The following ZSWIM8 variants were observed in gnomAD, a reference collection of about 807,000 sequenced individuals.
ZSWIM8 encodes the protein zinc finger SWIM domain-containing protein 8.
In ZSWIM8, 27 loss-of-function variants were observed where a neutral mutation model predicts 173.7. That is an observed-to-expected ratio of 0.16 (90% CI 0.11 to 0.21). The LOEUF is 0.21. Ranked by LOEUF, ZSWIM8 falls within the 10% of genes least tolerant of loss-of-function variation. The probability of loss-of-function intolerance (pLI) is 1.00; values close to 1 mark genes in which losing one functional copy is unlikely to be tolerated. For synonymous variants in ZSWIM8, 958 were observed against 962.0 expected, an observed-to-expected ratio of 1.00 and a Z score of 0.08; for missense variants, 1,627 against 2,428.8, an observed-to-expected ratio of 0.67 and a Z score of 6.94.
rs776219969 is a variant in ZSWIM8, at chr10:73,791,825, C to T, written c.1320-34C>T. On this transcript the variant is annotated intron_variant, in intron 9 of 25. Coordinates refer to ENST00000604729, the MANE Select transcript of ZSWIM8 (RefSeq NM_001367799.1). The surrounding 1 kb of genome is among the most constrained non-coding windows in gnomAD (Gnocchi z 6.0). ...CTCCATGCCCATCCTTTCCCAGTAG[C>T]CCCTCAGCAGCCTCCTGCCCCTTGT... 20 of 1,478,480 alleles carry T rather than the reference C, an allele frequency of 1.4e-5. No homozygotes were observed. The highest frequency in any genetic ancestry group is 1.7e-5 in the Non-Finnish European group (19 of 1,106,238). 91.6% of individuals were successfully genotyped at this position (1,478,480 alleles called of 1,614,324 possible). A position where few individuals can be genotyped will look rare whatever the true frequency, so the allele number is the denominator to read the frequency against.
chr10:73,794,076 G>C (rs1432735763), intron 12 of ZSWIM8, 32 bp downstream of exon 12: 2 of 1,611,346 alleles, frequency 1.2e-6, no homozygotes, highest in Non-Finnish European at 1.7e-6. Flanking sequence ...TTGTATTTCA[G>C]TCTCTTTAGA....
chr10:73,795,841 T>C (rs536291285), intron 15 of ZSWIM8, among the ~76,000 whole-genome samples, 178 bp downstream of exon 15: 1 of 151,834 alleles, frequency 6.6e-6, no homozygotes, highest in South Asian at 2.1e-4. Context: ...CACATGCCTG[T>C]AGTCCCAGCT....
In ZSWIM8 at chr10:73,789,934, C is replaced by T. The variant is rs752709582; in HGVS notation, c.739-22C>T. 14 of 1,609,326 alleles carry T rather than the reference C, an allele frequency of 8.7e-6. No individual in the cohort carries two copies. Among genetic ancestry groups the T allele is most frequent in the Admixed American group, 1.7e-5 (1 of 59,440 alleles). On this transcript the variant is annotated intron_variant, in intron 5 of 25. Coordinates refer to ENST00000604729, the MANE Select transcript of ZSWIM8 (RefSeq NM_001367799.1). This position sits in a 1 kb window ranked among gnomAD's most constrained non-coding sequence, Gnocchi z 6.8. Reference sequence around the variant, plus strand: ...GTTCACCTAGGCCGTGTTCTGCCTGCCTCCGTCTCTTTCTCCCTCAGATCC... The same window carrying T: ...GTTCACCTAGGCCGTGTTCTGCCTGTCTCCGTCTCTTTCTCCCTCAGATCC...
intron 6 of ZSWIM8, 60 bp from the exon 7 acceptor site, chr10:73,790,112 G>T: frequency 6.2e-7 from 1 of 1,611,122 alleles, no homozygotes. Context: ...CTCAAGGCTT[G>T]CTGTTGTCAG....
At position 73,796,854 on chromosome 10, in the gene ZSWIM8, A is replaced by G. The variant is rs757993420; in HGVS notation, c.3114A>G (p.Pro1038=). ...GTTCTTTCTACTCATCTAGCCGCCC[A>G]ACCACAGCCAGCCAGAGGTCTCCTT... ...TLSSFYSSSR[P]TTASQRSPSK... The change falls in exon 16 of 26, where the codon CCA becomes CCG. Residue 1038 remains proline (P), a synonymous_variant. Transcript: ENST00000604729. The G allele has an allele frequency of 2.5e-6, 4 of 1,614,060 alleles. No individual in the cohort carries two copies. Among genetic ancestry groups the G allele is most frequent in the Non-Finnish European group, 3.4e-6 (4 of 1,179,906 alleles).
intron 12 of ZSWIM8, 39 bp downstream of exon 12, chr10:73,794,083 T>C: frequency 2.5e-6 from 4 of 1,611,950 alleles, no homozygotes; most frequent in Non-Finnish European, 3.4e-6. Flanking sequence ...TCAGTCTCTT[T>C]AGAGCCTTGC....
chr10:73,794,245 A>G lies in ZSWIM8; in HGVS notation c.2724A>G (p.Glu908=). The change falls in exon 13 of 26, where the codon GAA becomes GAG. Residue 908 remains glutamate (E), a synonymous_variant. Transcript: ENST00000604729. ...EMSTMRCRAE[E]LREGTLCDYR... ...GTACCATGCGGTGCCGGGCAGAGGAACTTCGGGAGGGGACACTCTGTGACT... is the reference window on the plus strand; with the variant it reads ...GTACCATGCGGTGCCGGGCAGAGGAGCTTCGGGAGGGGACACTCTGTGACT... The G allele has an allele frequency of 1.9e-6, 3 of 1,613,968 alleles. No homozygotes were observed. Among genetic ancestry groups the G allele is most frequent in the Non-Finnish European group, 2.5e-6 (3 of 1,179,878 alleles).
chr10:73,801,613 C>T lies in ZSWIM8; in HGVS notation c.*94C>T, dbSNP rs1457248436. On this transcript the variant is annotated 3_prime_UTR_variant, in exon 26 of 26. Transcript: ENST00000604729. The surrounding 1 kb of genome is among the most constrained non-coding windows in gnomAD (Gnocchi z 4.9). ...AGTGAAACTTGGCTGGACAGATCATCCTCACTCAGTTCCCTGGTAGCACAG... is the reference window on the plus strand; with the variant it reads ...AGTGAAACTTGGCTGGACAGATCATTCTCACTCAGTTCCCTGGTAGCACAG... 1 of 1,546,478 alleles carries T rather than the reference C, an allele frequency of 6.5e-7. No individual in the cohort carries two copies. Among genetic ancestry groups the T allele is most frequent in the Admixed American group, 1.9e-5 (1 of 51,436 alleles).
rs1219173428 is a variant in ZSWIM8 at position 73,797,772 on chromosome 10, C to T, written c.3663-9C>T. ...CCCAACCCCCGTCCCTACCCCATTG[C>T]CCCTTCAGGTACAAGGGCCGCCGCC... On this transcript the variant is annotated splice_polypyrimidine_tract_variant and intron_variant, in intron 18 of 25. Coordinates refer to ENST00000604729, the MANE Select transcript of ZSWIM8 (RefSeq NM_001367799.1). The surrounding 1 kb of genome is among the most constrained non-coding windows in gnomAD (Gnocchi z 5.6). 6.2e-7 allele frequency: 1 copy of T among 1,609,302 alleles called. No individual in the cohort carries two copies. Among genetic ancestry groups the T allele is most frequent in the Non-Finnish European group, 8.5e-7 (1 of 1,176,668 alleles).
At chr10:73,790,325 G>A in intron 7 of ZSWIM8, 33 bp downstream of exon 7, 1 of 1,565,192 alleles carries the variant, frequency 6.4e-7, no homozygotes, top group Non-Finnish European at 8.6e-7. Flanking sequence ...TGTGTCTGTG[G>A]TGGAGGGGGA....
intron 15 of ZSWIM8, chr10:73,796,506 TAA>T: frequency 2.0e-6 from 1 of 512,498 alleles, no homozygotes; most frequent in Non-Finnish European, 3.6e-6. Context: ...GCAGAGGGCA[TAA>T]AGTCATTCAT....
intron 1 of ZSWIM8, 113 bp from the exon 2 acceptor site, chr10:73,788,557 T>C (rs1019096186): frequency 7.6e-7 from 1 of 1,322,954 alleles, no homozygotes. Context: ...GTCTCTTCTT[T>C]CTTTCATAGT....
Position 73,799,326 on chromosome 10 carries a change from G to A in ZSWIM8, c.4501G>A (p.Gly1501Arg). The change falls in exon 21 of 26, where the codon GGA becomes AGA. Residue 1501 changes from glycine to arginine, a missense_variant. By Grantham distance (125) the Gly-to-Arg change is moderately radical. Transcript: ENST00000604729. Reference protein sequence around the residue: ...SVGSSLYPGPGLGHGHSPGLH... With the variant: ...SVGSSLYPGPRLGHGHSPGLH... ...GGGGTCTAGTTTATACCCGGGTCCAGGACTGGGGCATGGCCACTCCCCTGG... is the reference window on the plus strand; with the variant it reads ...GGGGTCTAGTTTATACCCGGGTCCAAGACTGGGGCATGGCCACTCCCCTGG... 9 of 1,609,616 alleles carry A rather than the reference G, an allele frequency of 5.6e-6. No homozygotes were observed. The highest frequency in any genetic ancestry group is 7.6e-6 in the Non-Finnish European group (9 of 1,178,152).
rs1178800140 is a variant in ZSWIM8 at position 73,793,615 on chromosome 10, C to T, written c.2341C>T (p.His781Tyr). ...ACTGTTTGCCTGTGCTGAGGCCCTG[C>T]ATGCGCATGGCTATAGCAGTGAGGC... Reference protein sequence around the residue: ...EVLFACAEALHAHGYSSEASR... With the variant: ...EVLFACAEALYAHGYSSEASR... The change falls in exon 11 of 26, where the codon CAT becomes TAT. Residue 781 changes from histidine to tyrosine, a missense_variant. By Grantham distance (83) the His-to-Tyr change is moderately conservative. Coordinates refer to ENST00000604729, the MANE Select transcript of ZSWIM8 (RefSeq NM_001367799.1). The T allele has an allele frequency of 6.2e-7, 1 of 1,607,912 alleles. No homozygotes were observed. The highest frequency in any genetic ancestry group is 1.7e-5 in the Admixed American group (1 of 58,842).
chr10:73,791,447 A>G lies in ZSWIM8; in HGVS notation c.1267A>G (p.Met423Val), dbSNP rs772813717. 6.2e-7 allele frequency: 1 copy of G among 1,613,418 alleles called. No homozygotes were observed. ...TGCCTGTGCCAGCATGTGTGACGAG[A>G]TGGTCACACTGTGGAGGCTGGCCGT... ...AHACASMCDE[M>V]VTLWRLAVLD... The change falls in exon 9 of 26, where the codon ATG becomes GTG. Residue 423 changes from methionine to valine, a missense_variant. By Grantham distance (21) the Met-to-Val change is conservative. Transcript: ENST00000604729. The surrounding 1 kb of genome is among the most constrained non-coding windows in gnomAD (Gnocchi z 6.0).
Position 73,791,646 on chromosome 10 carries a change from A to T in ZSWIM8, c.1319+147A>T. On this transcript the variant is annotated intron_variant, in intron 9 of 25. Coordinates refer to ENST00000604729, the MANE Select transcript of ZSWIM8 (RefSeq NM_001367799.1). The surrounding 1 kb of genome is among the most constrained non-coding windows in gnomAD (Gnocchi z 6.0). ...TGAGCACTGGTGTTAGCAGTGATTT[A>T]CGAGTCCTTTTTCTGAGAGGCTTTC... The T allele has an allele frequency of 8.6e-7, 1 of 1,165,622 alleles. No homozygotes were observed. Among genetic ancestry groups the T allele is most frequent in the Non-Finnish European group, 1.2e-6 (1 of 856,006 alleles). The allele number at this position is 1,165,622 out of a possible 1,614,324, so 72.2% of individuals were successfully genotyped here. A position where few individuals can be genotyped will look rare whatever the true frequency, so the allele number is the denominator to read the frequency against.
chr10:73,797,648 C>T lies in ZSWIM8; in HGVS notation c.3662+43C>T. 6.2e-7 allele frequency: 1 copy of T among 1,601,766 alleles called. No homozygotes were observed. The highest frequency in any genetic ancestry group is 2.2e-5 in the East Asian group (1 of 44,716). ...CCCATCTTCCCTGATCTGGCCCACC[C>T]TCAGAGCCACACCCCTAGTGCAATC... On this transcript the variant is annotated intron_variant, in intron 18 of 25. Coordinates refer to ENST00000604729, the MANE Select transcript of ZSWIM8 (RefSeq NM_001367799.1). The surrounding 1 kb of genome is among the most constrained non-coding windows in gnomAD (Gnocchi z 5.6).
Position 73,798,230 on chromosome 10 carries a change from G to A in ZSWIM8, c.3953G>A (p.Gly1318Asp). 6.2e-7 allele frequency: 1 copy of A among 1,613,796 alleles called. No homozygotes were observed. Among genetic ancestry groups the A allele is most frequent in the Non-Finnish European group, 8.5e-7 (1 of 1,179,748 alleles). Reference sequence around the variant, plus strand: ...CTGCCCTTCTCTCCTTTCCCCTAAGGCCAGGCCATGGAGATAGGCAGCGCA... The same window carrying A: ...CTGCCCTTCTCTCCTTTCCCCTAAGACCAGGCCATGGAGATAGGCAGCGCA... ...TYSSHVSWIT[G>D]QAMEIGSAAL... The change falls in exon 20 of 26, where the codon GGC becomes GAC. Residue 1318 changes from glycine to aspartate, a missense_variant and splice_region_variant. Physicochemically the swap from Gly to Asp is moderately conservative, Grantham distance 94. This residue lies in a region of ZSWIM8 where 95 missense variants were observed against 271.3 expected (regional missense o/e 0.35). Coordinates refer to ENST00000604729, the MANE Select transcript of ZSWIM8 (RefSeq NM_001367799.1).
rs1489751102 is a variant in ZSWIM8, at chr10:73,791,750, A to C, written c.1320-109A>C. The C allele has an allele frequency of 2.2e-6, 3 of 1,393,766 alleles. No homozygotes were observed. The African/African-American group carries it at 4.4e-5, about 20-fold the overall frequency. 86.3% of individuals were successfully genotyped at this position (1,393,766 alleles called of 1,614,324 possible). On this transcript the variant is annotated intron_variant, in intron 9 of 25. Transcript: ENST00000604729. This position sits in a 1 kb window ranked among gnomAD's most constrained non-coding sequence, Gnocchi z 6.0. Reference sequence around the variant, plus strand: ...TGATGCTTATGGGGCTGGGTCAAGAAGTACTTTCCTGTATCCTTTCCCCAT... The same window carrying C: ...TGATGCTTATGGGGCTGGGTCAAGACGTACTTTCCTGTATCCTTTCCCCAT...
Sources: gnomAD v4.1 joint callset for allele counts (sites outside exome capture counted in the v4.1 genomes callset) on GRCh38, gnomAD v4.1.1 for gene constraint, gnomAD v4.1.1 regional missense constraint, Gnocchi (gnomAD v3.1) non-coding constraint, MANE v1.5 for transcripts, NCBI Gene and HGNC (gene_info 2026-07-23, HGNC 2026-07-21) for gene names.